The following KSR2 variants were observed in gnomAD, a reference collection of about 807,000 sequenced individuals.
KSR2 encodes the protein kinase suppressor of ras 2.
KSR2 carries 25 observed loss-of-function variants against 107.8 expected under a neutral mutation model. The ratio of observed to expected loss-of-function variants is 0.23; its 90% CI spans 0.17 to 0.32. KSR2 has a LOEUF of 0.32. KSR2 is among the 10% of genes least tolerant of loss of function. The pLI, the probability that KSR2 is intolerant of heterozygous loss-of-function variation, is 1.00. For missense variants in KSR2, 887 were observed against 1,268.9 expected (o/e 0.70, Z 4.57); for synonymous variants, 480 against 507.0 (o/e 0.95, Z 0.71).
chr12:117,850,464 G>A (rs1420438106), intron 3 of KSR2, among the ~76,000 whole-genome samples: 3 of 152,180 alleles, frequency 2.0e-5, no homozygotes, highest in Non-Finnish European at 4.4e-5. Context: ...GAATTTAGCA[G>A]ATATTTAGGG....
intron 4 of KSR2, among the ~76,000 whole-genome samples, chr12:117,676,795 G>T (rs1415066283): frequency 6.6e-6 from 1 of 152,130 alleles, no homozygotes; most frequent in Non-Finnish European, 1.5e-5. Flanking sequence ...TTACTCCCAG[G>T]CCTGTATCTA....
At chr12:117,612,665 C>T (rs1881668245) in intron 5 of KSR2, among the ~76,000 whole-genome samples, 1 of 151,998 alleles carries the variant, frequency 6.6e-6, no homozygotes, top group Non-Finnish European at 1.5e-5. Context: ...GAAGAAAAAC[C>T]AGTGGCCAAT....
intron 5 of KSR2, among the ~76,000 whole-genome samples, chr12:117,646,809 CTTAGTCT>C (rs906166784): frequency 1.1e-4 from 17 of 152,144 alleles, no homozygotes; most frequent in African/African-American, 4.1e-4. Context: ...TCTGAAGGGG[CTTAGTCT>C]TCCCTCCCTC....
At chr12:117,940,753 A>C (rs1473764714) in intron 1 of KSR2, among the ~76,000 whole-genome samples, 1 of 152,310 alleles carries the variant, frequency 6.6e-6, no homozygotes, top group East Asian at 1.9e-4. Context: ...TAACTTTTAT[A>C]GCATTTTTTG....
intron 16 of KSR2, among the ~76,000 whole-genome samples, chr12:117,479,237 G>A (rs1011275040): frequency 3.3e-4 from 50 of 152,292 alleles, no homozygotes; most frequent in African/African-American, 1.1e-3. Context: ...AAGCAAAGCC[G>A]GGTAACTGCG....
chr12:117,948,359 G>A lies in KSR2; in HGVS notation c.180+19717C>T, dbSNP rs140419124. 1.6e-3 allele frequency among the ~76,000 whole-genome samples: 242 copies of A among 152,064 alleles called. 1 individual carries two copies. The East Asian group carries it at 0.037, about 24-fold the overall frequency. ...AAAAAAATTAGCTGGGCGTGTTGGC[G>A]TGTGCCTGTAACCCCAGCTACTCGG... is the stretch of plus-strand genomic sequence containing the variant. On this transcript the variant is annotated intron_variant, in intron 1 of 19. Coordinates refer to ENST00000339824, the MANE Select transcript of KSR2 (RefSeq NM_173598.6).
chr12:117,454,722 G>T lies in KSR2; in HGVS notation c.*12477C>A, dbSNP rs562668618. 2.6e-5 allele frequency: 4 copies of T among 152,298 alleles called. No individual in the cohort carries two copies. Among genetic ancestry groups the T allele is most frequent in the African/African-American group, 9.6e-5 (4 of 41,546 alleles). 9.4% of individuals were successfully genotyped at this position (152,298 alleles called of 1,614,324 possible). A position where few individuals can be genotyped will look rare whatever the true frequency, so the allele number is the denominator to read the frequency against. On this transcript the variant is annotated 3_prime_UTR_variant, in exon 20 of 20. Transcript: ENST00000339824. ...TGTCCTTGACCTCAACACTTCAGGGGCCTATTCATAGAGTGATATGAACTG... is the reference window on the plus strand; with the variant it reads ...TGTCCTTGACCTCAACACTTCAGGGTCCTATTCATAGAGTGATATGAACTG...
chr12:117,705,523 C>T (rs1350122825), intron 4 of KSR2, among the ~76,000 whole-genome samples: 1 of 152,312 alleles, frequency 6.6e-6, no homozygotes, highest in East Asian at 1.9e-4. Context: ...TAACCCAGTC[C>T]TCATGCCAAT....
intron 1 of KSR2, among the ~76,000 whole-genome samples, chr12:117,879,033 C>T (rs1474725346): frequency 6.6e-6 from 1 of 152,002 alleles, no homozygotes; most frequent in Non-Finnish European, 1.5e-5. Flanking sequence ...ATTATGCGAC[C>T]TCAGGCAATC....
intron 4 of KSR2, among the ~76,000 whole-genome samples, chr12:117,696,130 T>A (rs1886049040): frequency 6.6e-6 from 1 of 152,078 alleles, no homozygotes. Flanking sequence ...AAATGCCAAG[T>A]TTATGACCAT....
intron 1 of KSR2, among the ~76,000 whole-genome samples, chr12:117,908,158 T>C (rs1324145646): frequency 6.6e-6 from 1 of 152,144 alleles, no homozygotes; most frequent in East Asian, 1.9e-4. Flanking sequence ...ACAGAGAACA[T>C]ATTTAAATGA....
chr12:117,734,752 GC>G (rs1277146404), intron 4 of KSR2, among the ~76,000 whole-genome samples: 18 of 151,870 alleles, frequency 1.2e-4, no homozygotes, highest in South Asian at 6.3e-4. Context: ...ATGCATGCAT[GC>G]ATGGATGGAT....
At chr12:117,661,234 AC>A (rs1884417365) in intron 5 of KSR2, among the ~76,000 whole-genome samples, 2 of 151,916 alleles carry the variant, frequency 1.3e-5, no homozygotes, top group South Asian at 4.2e-4. Flanking sequence ...ACAGCTAAAC[AC>A]AATATGTGAC....
chr12:117,831,294 CGAG>C (rs1891954511), intron 3 of KSR2, among the ~76,000 whole-genome samples: 1 of 152,212 alleles, frequency 6.6e-6, no homozygotes, highest in African/African-American at 2.4e-5. Context: ...TTCTTTCCCT[CGAG>C]GAGAAGTTTC....
In KSR2 at chr12:117,947,247, A is replaced by C. The variant is rs1323789634; in HGVS notation, c.180+20829T>G. Among the ~76,000 whole-genome samples the C allele has an allele frequency of 1.5e-3, 193 of 125,144 alleles. 3 individuals carry two copies. Among genetic ancestry groups the C allele is most frequent in the Middle Eastern group, 4.3e-3 (1 of 232 alleles). The allele number at this position is 125,144 out of a possible 152,430, so 82.1% of individuals were successfully genotyped here. A position where few individuals can be genotyped will look rare whatever the true frequency, so the allele number is the denominator to read the frequency against. On this transcript the variant is annotated intron_variant, in intron 1 of 19. Coordinates refer to ENST00000339824, the MANE Select transcript of KSR2 (RefSeq NM_173598.6). ...AAAGAAAGAAAGAAAGAAAGAAAGA[A>C]AGAAAGAAAGAAGATAAACCACATG...
intron 5 of KSR2, among the ~76,000 whole-genome samples, chr12:117,601,458 T>C (rs79431737): frequency 0.059 from 8,998 of 152,122 alleles, 814 homozygotes; most frequent in African/African-American, 0.19. Flanking sequence ...AATCCAAGAC[T>C]TCTCAGCACA....
chr12:117,819,127 C>A (rs1235604808), intron 3 of KSR2, among the ~76,000 whole-genome samples: 7 of 152,024 alleles, frequency 4.6e-5, no homozygotes, highest in Non-Finnish European at 1.0e-4. Flanking sequence ...GTCTGTACCG[C>A]CCCCTCACTG....
At chr12:117,684,997 A>G (rs183746475) in intron 4 of KSR2, among the ~76,000 whole-genome samples, 266 of 152,236 alleles carry the variant, frequency 1.7e-3, no homozygotes, top group African/African-American at 6.0e-3. Flanking sequence ...TAGACTCGCA[A>G]TCTGGGAGGG....
chr12:117,840,817 A>T (rs372924065), intron 3 of KSR2, among the ~76,000 whole-genome samples: 6 of 147,754 alleles, frequency 4.1e-5, no homozygotes, highest in African/African-American at 7.4e-5. Flanking sequence ...CCTGGCCAAC[A>T]TGGTGAAACC....
Sources: allele counts gnomAD v4.1 joint callset (sites outside exome capture counted in the v4.1 genomes callset), GRCh38; gene constraint gnomAD v4.1.1; transcripts MANE v1.5; gene names NCBI Gene and HGNC (gene_info 2026-07-23, HGNC 2026-07-21).